The following GJC1 variants were observed in gnomAD, a reference collection of about 807,000 sequenced individuals.
GJC1 encodes gap junction protein gamma 1, also known as gap junction gamma-1 protein.
In GJC1, 5 loss-of-function variants were observed where a neutral mutation model predicts 29.3. The observed-to-expected ratio is 0.17, with a 90% CI of 0.09 to 0.36. The LOEUF is 0.36. GJC1 is among the 10% of genes least tolerant of loss of function. The probability of loss-of-function intolerance (pLI) is 1.00; values close to 1 mark genes in which losing one functional copy is unlikely to be tolerated. For missense variants in GJC1, 310 were observed against 496.2 expected (o/e 0.62, Z 3.56); for synonymous variants, 177 against 183.3 (o/e 0.97, Z 0.28).
chr17:44,796,091 T>A (rs570285238), downstream of GJC1, among the ~76,000 whole-genome samples: 3 of 152,192 alleles, frequency 2.0e-5, no homozygotes, highest in Non-Finnish European at 4.4e-5. Flanking sequence ...CCTGTCAGTG[T>A]TCCTCCGGAC....
At position 44,801,761 on chromosome 17, in the gene GJC1, C is replaced by G. The variant is rs2049850154; in HGVS notation, c.*2866G>C. The G allele has an allele frequency of 6.6e-6, 1 of 152,098 alleles. No homozygotes were observed. Among genetic ancestry groups the G allele is most frequent in the African/African-American group, 2.4e-5 (1 of 41,402 alleles). The allele number at this position is 152,098 out of a possible 1,614,324, so 9.4% of individuals were successfully genotyped here. A position where few individuals can be genotyped will look rare whatever the true frequency, so the allele number is the denominator to read the frequency against. On this transcript the variant is annotated 3_prime_UTR_variant, in exon 3 of 3. Coordinates refer to ENST00000592524, the MANE Select transcript of GJC1 (RefSeq NM_005497.4). The stretch of plus-strand genomic sequence containing the variant: ...TGGGATTGCAGGCGTCCACCCAGCA[C>G]TCCTGGCTAATTTCTGTATTTTTAG...
chr17:44,812,037 G>A (rs1046797349), intron 1 of GJC1, among the ~76,000 whole-genome samples: 2 of 151,410 alleles, frequency 1.3e-5, no homozygotes, highest in African/African-American at 4.9e-5. Context: ...AAACCCAGCT[G>A]GGAGCAGTGG....
chr17:44,828,316 A>G (rs2145380256), intron 1 of GJC1, among the ~76,000 whole-genome samples: 1 of 152,326 alleles, frequency 6.6e-6, no homozygotes, highest in African/African-American at 2.4e-5. Flanking sequence ...TTTTTAAGAG[A>G]ACTGTGGTAG....
In GJC1 at chr17:44,803,719, A is replaced by C. The variant is rs961305572; in HGVS notation, c.*908T>G. ...TCTGGATAGAGGCTTAAGGCAAATC[A>C]AACAGGTTCACAACTAAGCAGCCTA... On this transcript the variant is annotated 3_prime_UTR_variant, in exon 3 of 3. Transcript: ENST00000592524. The C allele has an allele frequency of 6.6e-6, 1 of 152,214 alleles. No homozygotes were observed. The highest frequency in any genetic ancestry group is 2.4e-5 in the African/African-American group (1 of 41,452). 9.4% of individuals were successfully genotyped at this position (152,214 alleles called of 1,614,324 possible). A position where few individuals can be genotyped will look rare whatever the true frequency, so the allele number is the denominator to read the frequency against.
At chr17:44,811,741 C>T (rs1315299955) in intron 1 of GJC1, among the ~76,000 whole-genome samples, 8 of 151,990 alleles carry the variant, frequency 5.3e-5, no homozygotes, top group Admixed American at 1.3e-4. Flanking sequence ...CGGTGGCTCA[C>T]GCCTGTAATC....
rs1024891681 is a variant in GJC1 at position 44,801,001 on chromosome 17, C to A, written c.*3626G>T. 1 of 151,320 alleles carries A rather than the reference C, an allele frequency of 6.6e-6. No individual in the cohort carries two copies. Among genetic ancestry groups the A allele is most frequent in the Non-Finnish European group, 1.5e-5 (1 of 67,948 alleles). The allele number at this position is 151,320 out of a possible 1,614,324, so 9.4% of individuals were successfully genotyped here. A position where few individuals can be genotyped will look rare whatever the true frequency, so the allele number is the denominator to read the frequency against. ...TAACGGGTTTTAAGAGCAGGCCAGG[C>A]GCGGTGGCTCACGCCTGTAATCACA... On this transcript the variant is annotated 3_prime_UTR_variant, in exon 3 of 3. Coordinates refer to ENST00000592524, the MANE Select transcript of GJC1 (RefSeq NM_005497.4).
At chr17:44,817,762 T>C (rs1200200935) in intron 1 of GJC1, among the ~76,000 whole-genome samples, 1 of 151,588 alleles carries the variant, frequency 6.6e-6, no homozygotes, top group Non-Finnish European at 1.5e-5. Flanking sequence ...ATCATCTACT[T>C]ATTAAGTAGC....
intron 1 of GJC1, among the ~76,000 whole-genome samples, chr17:44,819,962 A>G (rs921691221): frequency 4.6e-5 from 7 of 151,966 alleles, no homozygotes; most frequent in Non-Finnish European, 1.0e-4. Context: ...GGTTCAAGTG[A>G]TTCTCCTGCC....
intron 1 of GJC1, among the ~76,000 whole-genome samples, chr17:44,826,709 TACTG>T (rs756665606): frequency 5.3e-5 from 8 of 152,314 alleles, no homozygotes; most frequent in East Asian, 3.9e-4. Context: ...TGCCAGCCAG[TACTG>T]ACTAACAGGT....
chr17:44,819,703 TAAAA>T (rs917523909), intron 1 of GJC1, among the ~76,000 whole-genome samples: 7 of 142,248 alleles, frequency 4.9e-5, no homozygotes, highest in Non-Finnish European at 7.7e-5. Context: ...AATAAATAAA[TAAAA>T]AGAATTTCCT....
At chr17:44,815,101 T>C (rs772059577) in intron 1 of GJC1, among the ~76,000 whole-genome samples, 2 of 152,154 alleles carry the variant, frequency 1.3e-5, no homozygotes, top group Non-Finnish European at 2.9e-5. Flanking sequence ...AAATAGAAAA[T>C]GACATGGAAG....
At chr17:44,813,390 T>C (rs2145329948) in intron 1 of GJC1, 1 of 152,102 alleles carries the variant, frequency 6.6e-6, no homozygotes, top group African/African-American at 2.4e-5. Context: ...AACCATGAGT[T>C]TCCTAAAATG....
chr17:44,809,983 C>T (rs111564418), intron 1 of GJC1, among the ~76,000 whole-genome samples: 53 of 152,138 alleles, frequency 3.5e-4, no homozygotes, highest in Non-Finnish European at 7.1e-4. Flanking sequence ...CTCAGCCTCC[C>T]GAGCAGCTGG....
intron 1 of GJC1, among the ~76,000 whole-genome samples, chr17:44,827,748 T>C (rs2050191835): frequency 6.6e-6 from 1 of 151,860 alleles, no homozygotes; most frequent in Non-Finnish European, 1.5e-5. Flanking sequence ...ATGGCTAACA[T>C]GGTGAAACCC....
Position 44,810,568 on chromosome 17 carries a change from C to T in GJC1, c.-96-3099G>A, listed in dbSNP as rs946368806. ...CTCTATACCCACACTCTGAAGTCTT[C>T]GGAATGAGTATCGCTACGGTCTATG... On this transcript the variant is annotated intron_variant, in intron 1 of 2. Transcript: ENST00000592524. Among the ~76,000 whole-genome samples the T allele has an allele frequency of 5.9e-5, 9 of 152,152 alleles. No homozygotes were observed. The South Asian group carries it at 1.9e-3, about 32-fold the overall frequency.
Position 44,799,698 on chromosome 17 carries a change from T to C in GJC1, c.*4929A>G, listed in dbSNP as rs2049819389. 6.6e-6 allele frequency: 1 copy of C among 152,230 alleles called. No individual in the cohort carries two copies. Among genetic ancestry groups the C allele is most frequent in the Admixed American group, 6.5e-5 (1 of 15,274 alleles). The allele number at this position is 152,230 out of a possible 1,614,324, so 9.4% of individuals were successfully genotyped here. On this transcript the variant is annotated 3_prime_UTR_variant, in exon 3 of 3. Transcript: ENST00000592524. The stretch of plus-strand genomic sequence containing the variant: ...CCTTCGGAGGCTGTGATGGGAGGAT[T>C]GCTTGGGCCCAGGAGTTTGAGACCA...
chr17:44,820,736 C>T (rs1178960970), intron 1 of GJC1, among the ~76,000 whole-genome samples: 3 of 152,144 alleles, frequency 2.0e-5, no homozygotes, highest in Non-Finnish European at 2.9e-5. Context: ...GACTCATACC[C>T]CTGAACGCGA....
chr17:44,810,083 C>T lies in GJC1; in HGVS notation c.-96-2614G>A, dbSNP rs566212974. Among the ~76,000 whole-genome samples the T allele has an allele frequency of 3.3e-4, 49 of 149,192 alleles. 1 individual carries two copies. In the East Asian group the frequency reaches 8.5e-3, roughly 26 times the overall value. On this transcript the variant is annotated intron_variant, in intron 1 of 2. Transcript: ENST00000592524. ...TTCACCATGTTAGCCAAGATGGTCT[C>T]GATCTCCTGACCTCGTGATCCACCC...
At chr17:44,821,111 G>A (rs75240846) in intron 1 of GJC1, among the ~76,000 whole-genome samples, 2 of 152,050 alleles carry the variant, frequency 1.3e-5, no homozygotes, top group African/African-American at 4.8e-5. Context: ...GCCAATTTTC[G>A]CTGGCAAAAA....
Sources: allele counts gnomAD v4.1 joint callset (sites outside exome capture counted in the v4.1 genomes callset), GRCh38; gene constraint gnomAD v4.1.1; transcripts MANE v1.5; gene names NCBI Gene and HGNC (gene_info 2026-07-23, HGNC 2026-07-21).